The following PADI2 variants were observed in gnomAD, a reference collection of about 807,000 sequenced individuals.
PADI2 encodes peptidyl arginine deiminase 2, also known as protein-arginine deiminase type-2.
PADI2 carries 70 observed loss-of-function variants against 81.1 expected under a neutral mutation model. That is an observed-to-expected ratio of 0.86 (90% CI 0.71 to 1.05). The LOEUF (loss-of-function observed/expected upper bound fraction) is 1.05, where lower values mean the gene tolerates loss of function less well. PADI2 is among the 50% of genes least tolerant of loss of function. The pLI, the probability that PADI2 is intolerant of heterozygous loss-of-function variation, is 0.00. For missense variants in PADI2, 853 were observed against 889.9 expected, an observed-to-expected ratio of 0.96 and a Z score of 0.53; for synonymous variants, 338 against 358.0, an observed-to-expected ratio of 0.94 and a Z score of 0.63.
At chr1:17,097,841 G>A (rs1283610301) in intron 3 of PADI2, among the ~76,000 whole-genome samples, 1 of 152,108 alleles carries the variant, frequency 6.6e-6, no homozygotes, top group Non-Finnish European at 1.5e-5. Flanking sequence ...AGCCGGTCAC[G>A]TCCACTGAAT....
At chr1:17,097,764 C>CCG (rs2101598745) in intron 3 of PADI2, among the ~76,000 whole-genome samples, 1 of 87,494 alleles carries the variant, frequency 1.1e-5, no homozygotes, top group African/African-American at 4.9e-5. Flanking sequence ...CCACCAGGGG[C>CCG]TAAGAGCCTG....
chr1:17,090,581 T>TTGTGTGTGTGTGTGTGTGTGTGTG (rs3036949), intron 6 of PADI2, among the ~76,000 whole-genome samples: 5 of 142,740 alleles, frequency 3.5e-5, no homozygotes, highest in Non-Finnish European at 6.1e-5. Flanking sequence ...CGTCCTTTGC[T>TTGTGTGTGTGTGTGTGTGTGTGTG]TGTGTGTGTG....
At chr1:17,079,662 GTGTGAGTGTGAA>G (rs978211884) in intron 10 of PADI2, among the ~76,000 whole-genome samples, 2 of 151,820 alleles carry the variant, frequency 1.3e-5, no homozygotes, top group Non-Finnish European at 2.9e-5. Flanking sequence ...GTGAGAGTGA[GTGTGAGTGTGAA>G]TGTGAGTGTG....
intron 10 of PADI2, among the ~76,000 whole-genome samples, chr1:17,081,593 C>A (rs1327746063): frequency 6.6e-6 from 1 of 152,210 alleles, no homozygotes; most frequent in Non-Finnish European, 1.5e-5. Flanking sequence ...TGCTGTCCTG[C>A]ATGTGACCTT....
chr1:17,074,811 G>T, intron 13 of PADI2, 45 bp downstream of exon 13: 2 of 1,260,128 alleles, frequency 1.6e-6, no homozygotes, highest in Non-Finnish European at 2.3e-6. Flanking sequence ...GTCTCTCTGG[G>T]GCCTCCAGCT....
chr1:17,110,278 C>T (rs918517153), intron 1 of PADI2, among the ~76,000 whole-genome samples: 1 of 152,034 alleles, frequency 6.6e-6, no homozygotes, highest in Admixed American at 6.6e-5. Context: ...GTGGTTATGA[C>T]CTTCTTGCTT....
chr1:17,111,645 C>T (rs920991527), intron 1 of PADI2, among the ~76,000 whole-genome samples: 1 of 152,108 alleles, frequency 6.6e-6, no homozygotes, highest in African/African-American at 2.4e-5. Flanking sequence ...CCACTACCTA[C>T]AGGGCCTACT....
At chr1:17,102,823 C>T (rs180792197) in intron 3 of PADI2, among the ~76,000 whole-genome samples, 164 bp downstream of exon 3, 297 of 151,922 alleles carry the variant, frequency 2.0e-3, no homozygotes, top group Non-Finnish European at 3.6e-3. Flanking sequence ...ATGGAAGGAC[C>T]GGGGTGGGGC....
chr1:17,089,539 A>G (rs1025032616), intron 6 of PADI2, among the ~76,000 whole-genome samples: 2 of 152,112 alleles, frequency 1.3e-5, no homozygotes, highest in African/African-American at 4.8e-5. Context: ...GGGCAGGTGG[A>G]GGACACGTTC....
intron 1 of PADI2, among the ~76,000 whole-genome samples, chr1:17,108,596 G>A (rs1931466843): frequency 6.6e-6 from 1 of 151,976 alleles, no homozygotes; most frequent in African/African-American, 2.4e-5. Context: ...CCCAAGCAAA[G>A]AGGGCAGAGG....
intron 3 of PADI2, 144 bp from the exon 4 acceptor site, chr1:17,096,114 C>T (rs182510557): frequency 1.1e-5 from 6 of 552,200 alleles, no homozygotes; most frequent in Non-Finnish European, 1.9e-5. Context: ...TCATCTTATG[C>T]AACCCCCTGC....
intron 10 of PADI2, among the ~76,000 whole-genome samples, chr1:17,082,185 T>G (rs2078349328): frequency 6.6e-6 from 1 of 152,174 alleles, no homozygotes; most frequent in Non-Finnish European, 1.5e-5. Flanking sequence ...GTTGGAACCA[T>G]GACTTTTGAC....
chr1:17,089,978 C>A (rs1930626700), intron 6 of PADI2, among the ~76,000 whole-genome samples: 1 of 152,194 alleles, frequency 6.6e-6, no homozygotes, highest in African/African-American at 2.4e-5. Context: ...GGTTTCCTGG[C>A]ATGAGGAGCC....
chr1:17,084,751 C>T lies in PADI2; in HGVS notation c.835-49G>A, dbSNP rs1203544681. 3.5e-6 allele frequency: 4 copies of T among 1,140,390 alleles called. No individual in the cohort carries two copies. In the Admixed American group the frequency reaches 6.4e-5, roughly 18 times the overall value. The allele number at this position is 1,140,390 out of a possible 1,614,324, so 70.6% of individuals were successfully genotyped here. A position where few individuals can be genotyped will look rare whatever the true frequency, so the allele number is the denominator to read the frequency against. ...GGGGATCAAAAGGTTTTGTCAGGTG[C>T]TTTCTTTGCCTGCCTTTCAAAGCGG... On this transcript the variant is annotated intron_variant, in intron 7 of 15. Transcript: ENST00000375486.
rs202005847 is a variant in PADI2 at position 17,070,091 on chromosome 1, G to A, written c.1761C>T (p.Asn587=). Residue 587 remains asparagine (N), a synonymous_variant, in exon 15 of 16, where the codon AAC becomes AAT. Coordinates refer to ENST00000375486, the MANE Select transcript of PADI2 (RefSeq NM_007365.3). ...GTTGGGGTCTGCAGGGCCTCACCATGTTTGGGAAGAAGGCTCTGGCACGGT... is the reference window on the plus strand; with the variant it reads ...GTTGGGGTCTGCAGGGCCTCACCATATTTGGGAAGAAGGCTCTGGCACGGT... ...EDHRARAFFP[N]MVNMIVLDKD... is the part of the protein sequence containing the mutation. The A allele has an allele frequency of 5.0e-6, 8 of 1,613,752 alleles. No homozygotes were observed. Among genetic ancestry groups the A allele is most frequent in the South Asian group, 4.4e-5 (4 of 91,042 alleles).
intron 3 of PADI2, among the ~76,000 whole-genome samples, chr1:17,099,571 C>T (rs1931068325): frequency 6.6e-6 from 1 of 152,150 alleles, no homozygotes; most frequent in Non-Finnish European, 1.5e-5. Flanking sequence ...CACAGCAAGT[C>T]CTTGGCGGGA....
intron 13 of PADI2, 40 bp from the exon 14 acceptor site, chr1:17,071,531 TA>T: frequency 6.7e-7 from 1 of 1,499,768 alleles, no homozygotes; most frequent in South Asian, 1.1e-5. Context: ...AAGCTTTAGA[TA>T]CCCAGGCTGA....
chr1:17,097,440 GT>G (rs2101598445), intron 3 of PADI2, among the ~76,000 whole-genome samples: 1 of 152,336 alleles, frequency 6.6e-6, no homozygotes, highest in Non-Finnish European at 1.5e-5. Flanking sequence ...GCAGTCTTGT[GT>G]GTCCCAGCCT....
intron 3 of PADI2, among the ~76,000 whole-genome samples, chr1:17,098,597 T>C (rs1471222034): frequency 6.6e-6 from 1 of 152,218 alleles, no homozygotes; most frequent in Non-Finnish European, 1.5e-5. Context: ...CCTGATTTAC[T>C]GAATTCAGAC....
Sources: allele counts gnomAD v4.1 joint callset (sites outside exome capture counted in the v4.1 genomes callset), GRCh38; gene constraint gnomAD v4.1.1; transcripts MANE v1.5; gene names NCBI Gene and HGNC (gene_info 2026-07-23, HGNC 2026-07-21).